KIF21A: variants seen among roughly 807,000 people sequenced by gnomAD.
KIF21A encodes the protein kinesin-like protein KIF21A.
A neutral mutation model predicts 202.9 loss-of-function variants in KIF21A; 114 were observed. The observed-to-expected ratio is 0.56, with a 90% CI of 0.48 to 0.66. The LOEUF (loss-of-function observed/expected upper bound fraction) is 0.66, where lower values mean the gene tolerates loss of function less well. Ranked by LOEUF, KIF21A falls within the 30% of genes least tolerant of loss-of-function variation. The pLI is 0.00. For synonymous variants in KIF21A, 667 were observed against 670.8 expected, an observed-to-expected ratio of 0.99 and a Z score of 0.09; for missense variants, 1,677 against 1,994.9, an observed-to-expected ratio of 0.84 and a Z score of 3.04.
At chr12:39,361,644 T>C (rs1051935075) in intron 7 of KIF21A, among the ~76,000 whole-genome samples, 5 of 142,928 alleles carry the variant, frequency 3.5e-5, no homozygotes, top group Admixed American at 7.2e-5. Flanking sequence ...TAGCTGGGAC[T>C]ACAGGCGCCC....
intron 1 of KIF21A, among the ~76,000 whole-genome samples, chr12:39,371,277 T>C (rs1949937587): frequency 6.6e-6 from 1 of 152,108 alleles, no homozygotes. Flanking sequence ...AAAATGAATA[T>C]AAGTGAAAGT....
At chr12:39,386,232 T>C (rs1277036370) in intron 1 of KIF21A, among the ~76,000 whole-genome samples, 1 of 152,188 alleles carries the variant, frequency 6.6e-6, no homozygotes, top group Non-Finnish European at 1.5e-5. Flanking sequence ...ATGGAAAGGA[T>C]GGGCCTCCTC....
chr12:39,355,707 T>TTA (rs10580436), intron 10 of KIF21A, among the ~76,000 whole-genome samples: 5,509 of 101,122 alleles, frequency 0.054, 441 homozygotes, highest in South Asian at 0.087. Flanking sequence ...GCATGAACAA[T>TTA]TATATATATA....
chr12:39,379,443 T>C (rs1446901451), intron 1 of KIF21A, among the ~76,000 whole-genome samples: 1 of 152,060 alleles, frequency 6.6e-6, no homozygotes, highest in Non-Finnish European at 1.5e-5. Context: ...CACTCTGGTC[T>C]CTGCATGATG....
At chr12:39,317,412 G>A (rs1003704673) in intron 29 of KIF21A, among the ~76,000 whole-genome samples, 1 of 152,076 alleles carries the variant, frequency 6.6e-6, no homozygotes, top group Non-Finnish European at 1.5e-5. Flanking sequence ...TGGCAGTATT[G>A]TTAGTATGGC....
intron 1 of KIF21A, among the ~76,000 whole-genome samples, chr12:39,407,540 T>C (rs1184984465): frequency 2.0e-5 from 3 of 152,152 alleles, no homozygotes; most frequent in Non-Finnish European, 4.4e-5. Flanking sequence ...ATCAAACCCT[T>C]ACTATGCTGC....
At chr12:39,436,897 G>A (rs1938876203) in intron 1 of KIF21A, among the ~76,000 whole-genome samples, 1 of 152,016 alleles carries the variant, frequency 6.6e-6, no homozygotes, top group African/African-American at 2.4e-5. Context: ...GTTTTATTTT[G>A]AATAAAATTG....
At chr12:39,349,430 T>C (rs964619613) in intron 11 of KIF21A, among the ~76,000 whole-genome samples, 3 of 151,988 alleles carry the variant, frequency 2.0e-5, no homozygotes, top group African/African-American at 7.2e-5. Flanking sequence ...ACAAATAAAA[T>C]AGATAAACAT....
intron 3 of KIF21A, among the ~76,000 whole-genome samples, chr12:39,368,997 A>G (rs1458246502): frequency 1.3e-5 from 2 of 152,140 alleles, no homozygotes; most frequent in African/African-American, 2.4e-5. Context: ...TAGACATTAT[A>G]TCAAAACATC....
chr12:39,333,395 T>C, intron 17 of KIF21A, 115 bp from the exon 18 acceptor site: 2 of 777,940 alleles, frequency 2.6e-6, no homozygotes, highest in Non-Finnish European at 2.2e-6. Context: ...TAGCAGAATC[T>C]TTGAGTCAAC....
intron 10 of KIF21A, among the ~76,000 whole-genome samples, chr12:39,355,655 A>G (rs78232133): frequency 0.013 from 1,957 of 147,350 alleles, 38 homozygotes; most frequent in African/African-American, 0.046. Context: ...GCTGAGCAGA[A>G]CCAGGATGCA....
intron 1 of KIF21A, among the ~76,000 whole-genome samples, chr12:39,424,861 A>G (rs1954621961): frequency 6.6e-6 from 1 of 152,108 alleles, no homozygotes; most frequent in Non-Finnish European, 1.5e-5. Flanking sequence ...TGAAATGCAT[A>G]TTAGATCATG....
chr12:39,442,473 C>T lies in KIF21A; in HGVS notation c.44+454G>A, dbSNP rs1412633728. On this transcript the variant is annotated intron_variant, in intron 1 of 37. Coordinates refer to ENST00000361418, the MANE Select transcript of KIF21A (RefSeq NM_001173464.2). The surrounding 1 kb of genome is among the most constrained non-coding windows in gnomAD (Gnocchi z 5.0). ...GATAGTCAGATGCTTTGTCTCCTGC[C>T]TGGGAAGGCCGGAGCTGCATGGACA... Among the ~76,000 whole-genome samples, 1 of 152,176 alleles carries T rather than the reference C, an allele frequency of 6.6e-6. No individual in the cohort carries two copies. Among genetic ancestry groups the T allele is most frequent in the Non-Finnish European group, 1.5e-5 (1 of 68,028 alleles).
At chr12:39,356,517 C>T (rs764023109) in intron 10 of KIF21A, 28 of 221,176 alleles carry the variant, frequency 1.3e-4, no homozygotes, top group Non-Finnish European at 1.9e-4. Context: ...AAGAGGCATA[C>T]GAAGGAAAGG....
intron 24 of KIF21A, among the ~76,000 whole-genome samples, chr12:39,328,998 A>G (rs758698400): frequency 5.9e-5 from 9 of 152,244 alleles, no homozygotes; most frequent in African/African-American, 2.4e-5. Flanking sequence ...TAGGGCATCA[A>G]GTCCATAAGG....
chr12:39,331,567 C>T (rs1946507633), intron 22 of KIF21A, 123 bp downstream of exon 22: 2 of 726,340 alleles, frequency 2.8e-6, no homozygotes, highest in Admixed American at 4.1e-5. Context: ...AAAAGAAATA[C>T]TTTCCAATTA....
At chr12:39,337,851 C>T (rs959752448) in intron 16 of KIF21A, among the ~76,000 whole-genome samples, 1 of 152,068 alleles carries the variant, frequency 6.6e-6, no homozygotes, top group African/African-American at 2.4e-5. Context: ...GCACTACACC[C>T]GTTTGCAGTA....
intron 4 of KIF21A, 31 bp from the exon 5 acceptor site, chr12:39,367,195 T>C (rs760299124): frequency 6.2e-7 from 1 of 1,612,802 alleles, no homozygotes; most frequent in Admixed American, 1.7e-5. Context: ...AGGACTTTAC[T>C]TGAACAATAA....
intron 1 of KIF21A, among the ~76,000 whole-genome samples, chr12:39,420,602 G>A (rs1016831054): frequency 7.2e-5 from 11 of 152,148 alleles, no homozygotes; most frequent in Non-Finnish European, 1.5e-4. Context: ...GCAGTAAGGC[G>A]AGTCCCCCTT....
Sources: allele counts gnomAD v4.1 joint callset (sites outside exome capture counted in the v4.1 genomes callset), GRCh38; gene constraint gnomAD v4.1.1; non-coding constraint Gnocchi (gnomAD v3.1); transcripts MANE v1.5; gene names NCBI Gene and HGNC (gene_info 2026-07-23, HGNC 2026-07-21).